GKN2: variants seen among roughly 807,000 people sequenced by gnomAD.
GKN2 encodes gastrokine 2, also known as gastrokine-2.
Under a neutral mutation model 22.7 loss-of-function variants are expected in GKN2, and 17 were observed. The observed-to-expected ratio is 0.75, with a 90% CI of 0.51 to 1.13. The LOEUF (loss-of-function observed/expected upper bound fraction) is 1.13, where lower values mean the gene tolerates loss of function less well. Ranked by LOEUF, GKN2 falls within the 50% of genes most tolerant of loss-of-function variation. GKN2 has a pLI of 0.00. For synonymous variants in GKN2, 82 were observed against 79.6 expected (o/e 1.03, Z -0.16); for missense variants, 248 against 221.4 (o/e 1.12, Z -0.76).
At chr2:68,948,259 A>ACAC (rs1669801539) in intron 3 of GKN2, among the ~76,000 whole-genome samples, 1 of 146,894 alleles carries the variant, frequency 6.8e-6, no homozygotes, top group Non-Finnish European at 1.5e-5. Flanking sequence ...AAAAAAACAA[A>ACAC]AAAAAAAAAC....
chr2:68,946,253 A>T (rs369671610), intron 5 of GKN2, 51 bp downstream of exon 5: 4 of 1,519,766 alleles, frequency 2.6e-6, no homozygotes, highest in African/African-American at 1.4e-5. Context: ...CACCTGGCAC[A>T]TAGTAGCTTT....
At position 68,947,229 on chromosome 2, in the gene GKN2, CGGGAGAGCACCCT is replaced by C. The variant is rs1263338209; in HGVS notation, c.220_232del (p.Arg74GlufsTer7). The C allele has an allele frequency of 6.2e-7, 1 of 1,613,660 alleles. No homozygotes were observed. Among genetic ancestry groups the C allele is most frequent in the East Asian group, 2.2e-5 (1 of 44,872 alleles). ...CATCTTCAGGATAAAGCAGGCTCTT[CGGGAGAGCACCCT>C]GGATGCAATGTAGCCCTGAGGCAGC... On this transcript the variant is annotated frameshift_variant, in exon 4 of 6. Coordinates refer to ENST00000328895, the MANE Select transcript of GKN2 (RefSeq NM_182536.3). LOFTEE classifies it high-confidence loss of function.
At chr2:68,949,683 G>A (rs2103892540) in intron 3 of GKN2, among the ~76,000 whole-genome samples, 1 of 152,306 alleles carries the variant, frequency 6.6e-6, no homozygotes, top group African/African-American at 2.4e-5. Context: ...GACTCCCAAA[G>A]TGCTGGGATT....
At chr2:68,950,094 C>A (rs1669833377) in intron 3 of GKN2, 32 bp downstream of exon 3, 2 of 1,604,996 alleles carry the variant, frequency 1.2e-6, no homozygotes, top group Non-Finnish European at 1.7e-6. Flanking sequence ...CAAACTAGTC[C>A]TGATGAATAT....
rs769729287 is a variant in GKN2, at chr2:68,950,752, C to T, written c.16G>A (p.Ala6Thr). ...AAGATGGTCAGCACCACCAGAAATGCCACCTGAAAAACAGACCCACCACAT... is the reference window on the plus strand; with the variant it reads ...AAGATGGTCAGCACCACCAGAAATGTCACCTGAAAAACAGACCCACCACAT... The part of the protein sequence containing the change: MKILV[A>T]FLVVLTIFGI... Residue 6 changes from alanine to threonine, a missense_variant, in exon 2 of 6, where the codon GCA becomes ACA. Transcript: ENST00000328895. The T allele has an allele frequency of 3.1e-6, 5 of 1,614,038 alleles. No homozygotes were observed. The Admixed American group carries it at 5.0e-5, about 16-fold the overall frequency.
chr2:68,945,296 A>C lies in GKN2; in HGVS notation c.*72T>G. The C allele has an allele frequency of 8.8e-7, 1 of 1,132,490 alleles. No homozygotes were observed. The highest frequency in any genetic ancestry group is 1.3e-6 in the Non-Finnish European group (1 of 778,202). 70.2% of individuals were successfully genotyped at this position (1,132,490 alleles called of 1,614,324 possible). A position where few individuals can be genotyped will look rare whatever the true frequency, so the allele number is the denominator to read the frequency against. ...AAATTAGTTGGGGCATTGGGAAAGA[A>C]TTTAATTTGACTTTTGAGTGTAAAC... On this transcript the variant is annotated 3_prime_UTR_variant, in exon 6 of 6. Coordinates refer to ENST00000328895, the MANE Select transcript of GKN2 (RefSeq NM_182536.3).
chr2:68,945,427 C>T lies in GKN2; in HGVS notation c.496G>A (p.Ala166Thr), dbSNP rs1240282709. 1.9e-6 allele frequency: 3 copies of T among 1,611,502 alleles called. No individual in the cohort carries two copies. Among genetic ancestry groups the T allele is most frequent in the Non-Finnish European group, 2.5e-6 (3 of 1,178,294 alleles). Residue 166 changes from alanine (A) to threonine (T), a missense_variant, in exon 6 of 6, where the codon GCA becomes ACA. Ala to Thr is a moderately conservative substitution (Grantham distance 58). Coordinates refer to ENST00000328895, the MANE Select transcript of GKN2 (RefSeq NM_182536.3). The part of the protein sequence containing the change: ...NTHNVGAGGC[A>T]KAGLLGILGI... ...AAGATGCCCAGGAGCCCAGCCTTTG[C>T]ACAGCCTCCAGCACCGACATTATCT...
At chr2:68,947,514 G>A (rs1669787312) in intron 3 of GKN2, among the ~76,000 whole-genome samples, 1 of 152,010 alleles carries the variant, frequency 6.6e-6, no homozygotes, top group Non-Finnish European at 1.5e-5. Context: ...ATGGAACCAG[G>A]GTCTGCAGTT....
chr2:68,949,318 T>C (rs1199263698), intron 3 of GKN2, among the ~76,000 whole-genome samples: 1 of 152,238 alleles, frequency 6.6e-6, no homozygotes, highest in Non-Finnish European at 1.5e-5. Flanking sequence ...ATTTTTTGCC[T>C]ACCCTATGTA....
At chr2:68,950,625 G>C in intron 2 of GKN2, 77 bp downstream of exon 2, 3 of 1,301,386 alleles carry the variant, frequency 2.3e-6, no homozygotes, top group Non-Finnish European at 2.2e-6. Flanking sequence ...CCTCTCTACT[G>C]TCTTCAGGCT....
intron 1 of GKN2, 30 bp downstream of exon 1, chr2:68,952,820 G>C (rs532910142): frequency 1.2e-6 from 2 of 1,613,062 alleles, no homozygotes; most frequent in Non-Finnish European, 1.7e-6. Flanking sequence ...GTCACCACAA[G>C]AGTATCAAGA....
At chr2:68,950,405 C>A in intron 2 of GKN2, 142 bp from the exon 3 acceptor site, 1 of 768,462 alleles carries the variant, frequency 1.3e-6, no homozygotes. Flanking sequence ...AATCCAAAAA[C>A]TTATGATGCC....
At chr2:68,949,545 A>G (rs1558706919) in intron 3 of GKN2, among the ~76,000 whole-genome samples, 1 of 151,928 alleles carries the variant, frequency 6.6e-6, no homozygotes, top group Non-Finnish European at 1.5e-5. Flanking sequence ...TCAGCCTCCC[A>G]AGTAGGTGGG....
chr2:68,949,820 T>C (rs561068474), intron 3 of GKN2, among the ~76,000 whole-genome samples: 14 of 152,232 alleles, frequency 9.2e-5, no homozygotes, highest in Non-Finnish European at 2.1e-4. Context: ...GGCTTTGCTT[T>C]GGACTTTGGT....
intron 3 of GKN2, among the ~76,000 whole-genome samples, chr2:68,948,259 A>C (rs1323126643): frequency 6.8e-6 from 1 of 146,986 alleles, no homozygotes; most frequent in African/African-American, 2.5e-5. Context: ...AAAAAAACAA[A>C]AAAAAAAAAC....
In GKN2 at chr2:68,946,053, CT is replaced by C. The variant is rs1669760384; in HGVS notation, c.472+250del. 9.6e-6 allele frequency: 4 copies of C among 416,714 alleles called. No homozygotes were observed. The East Asian group carries it at 1.4e-4, about 15-fold the overall frequency. 25.8% of individuals were successfully genotyped at this position (416,714 alleles called of 1,614,324 possible). ...AGTTTTTCATTGGCATCCAGAAATC[CT>C]TTACTCCATCCTCTCTTTTCACTTG... On this transcript the variant is annotated intron_variant, in intron 5 of 5. Transcript: ENST00000328895.
intron 5 of GKN2, chr2:68,946,023 C>T (rs1462343839): frequency 2.9e-5 from 12 of 412,514 alleles, no homozygotes; most frequent in Admixed American, 2.0e-4. Context: ...ATACAAGAAT[C>T]GAGTAGTTTT....
At chr2:68,946,259 G>C in intron 5 of GKN2, 45 bp downstream of exon 5, 1 of 1,539,854 alleles carries the variant, frequency 6.5e-7, no homozygotes, top group Non-Finnish European at 8.8e-7. Flanking sequence ...GCACATAGTA[G>C]CTTTCAGAAA....
chr2:68,949,797 T>C (rs952814133), intron 3 of GKN2, among the ~76,000 whole-genome samples: 1 of 152,180 alleles, frequency 6.6e-6, no homozygotes, highest in African/African-American at 2.4e-5. Context: ...TGAGTTTGAG[T>C]GTCTGCATGC....
Sources: gnomAD v4.1 joint callset for allele counts (sites outside exome capture counted in the v4.1 genomes callset) on GRCh38, gnomAD v4.1.1 for gene constraint, MANE v1.5 for transcripts, NCBI Gene and HGNC (gene_info 2026-07-23, HGNC 2026-07-21) for gene names.